TACR1: variants seen among roughly 807,000 people sequenced by gnomAD.
TACR1 encodes substance-P receptor.
Under a neutral mutation model 35.8 loss-of-function variants are expected in TACR1, and 25 were observed. The ratio of observed to expected loss-of-function variants is 0.70; its 90% CI spans 0.51 to 0.98. The LOEUF is 0.98. Ranked by LOEUF, TACR1 falls within the 50% of genes least tolerant of loss-of-function variation. The probability of loss-of-function intolerance (pLI) is 0.00; values close to 1 mark genes in which losing one functional copy is unlikely to be tolerated. For missense variants in TACR1, 478 were observed against 522.9 expected (o/e 0.91, Z 0.84); for synonymous variants, 195 against 206.7 (o/e 0.94, Z 0.48).
At chr2:75,154,302 C>G (rs1396628334) in intron 1 of TACR1, 1 of 152,064 alleles carries the variant, frequency 6.6e-6, no homozygotes. Flanking sequence ...GTCAGAACCT[C>G]CAGACTGAGC....
intron 3 of TACR1, among the ~76,000 whole-genome samples, chr2:75,052,041 A>G (rs886880676): frequency 1.3e-5 from 2 of 152,212 alleles, no homozygotes; most frequent in Non-Finnish European, 2.9e-5. Context: ...GCAGTCAGAG[A>G]GTGCCAGATG....
intron 2 of TACR1, among the ~76,000 whole-genome samples, chr2:75,103,710 A>G (rs1673586266): frequency 6.6e-6 from 1 of 152,172 alleles, no homozygotes; most frequent in Non-Finnish European, 1.5e-5. Context: ...GCCTTCACAC[A>G]GTAACTTCCT....
At chr2:75,078,869 T>C (rs1673027973) in intron 2 of TACR1, among the ~76,000 whole-genome samples, 1 of 152,230 alleles carries the variant, frequency 6.6e-6, no homozygotes, top group Non-Finnish European at 1.5e-5. Flanking sequence ...CTTTCGTTGC[T>C]TTAGACCCCC....
chr2:75,131,765 A>G (rs1368756602), intron 1 of TACR1, among the ~76,000 whole-genome samples: 2 of 152,250 alleles, frequency 1.3e-5, no homozygotes, highest in African/African-American at 4.8e-5. Flanking sequence ...AGTATACTAC[A>G]TAGTATTTTA....
At chr2:75,183,824 G>A (rs964269312) in intron 1 of TACR1, among the ~76,000 whole-genome samples, 4 of 152,174 alleles carry the variant, frequency 2.6e-5, no homozygotes, top group African/African-American at 9.7e-5. Flanking sequence ...AACGTATTGT[G>A]TTATTACTTT....
At chr2:75,077,213 A>C (rs1672998240) in intron 2 of TACR1, among the ~76,000 whole-genome samples, 1 of 152,084 alleles carries the variant, frequency 6.6e-6, no homozygotes, top group Non-Finnish European at 1.5e-5. Flanking sequence ...CAGGTGACCC[A>C]CCCACCTTGG....
At chr2:75,110,878 T>G (rs773787087) in intron 2 of TACR1, among the ~76,000 whole-genome samples, 1 of 152,042 alleles carries the variant, frequency 6.6e-6, no homozygotes, top group Admixed American at 6.6e-5. Context: ...TTTGAAAACT[T>G]TGACAGATAT....
intron 2 of TACR1, among the ~76,000 whole-genome samples, chr2:75,098,808 G>A (rs972047142): frequency 6.6e-6 from 1 of 152,078 alleles, no homozygotes; most frequent in Non-Finnish European, 1.5e-5. Flanking sequence ...GCAATCTCCT[G>A]TCAATACTTG....
intron 1 of TACR1, among the ~76,000 whole-genome samples, chr2:75,121,975 A>C (rs920300078): frequency 1.3e-5 from 2 of 152,164 alleles, no homozygotes; most frequent in Non-Finnish European, 2.9e-5. Context: ...TCTAGACCAG[A>C]ATTAGGACCA....
intron 1 of TACR1, among the ~76,000 whole-genome samples, chr2:75,195,072 C>T (rs898591861): frequency 6.6e-6 from 1 of 152,140 alleles, no homozygotes; most frequent in Non-Finnish European, 1.5e-5. Context: ...GAGTCATCAC[C>T]TCTCTGTGTC....
chr2:75,152,153 A>G (rs1233420456), intron 1 of TACR1, among the ~76,000 whole-genome samples: 6 of 152,172 alleles, frequency 3.9e-5, no homozygotes, highest in Non-Finnish European at 2.9e-5. Flanking sequence ...TGGGTTAATG[A>G]TGAAATGAGT....
intron 1 of TACR1, among the ~76,000 whole-genome samples, chr2:75,147,545 C>T (rs187788192): frequency 4.6e-5 from 7 of 152,252 alleles, no homozygotes; most frequent in South Asian, 2.1e-4. Flanking sequence ...ATCAGCTATT[C>T]GTTTTAATGC....
intron 2 of TACR1, among the ~76,000 whole-genome samples, chr2:75,098,104 C>T (rs1158602392): frequency 1.3e-5 from 2 of 152,030 alleles, no homozygotes; most frequent in Non-Finnish European, 2.9e-5. Context: ...ATCTGAAGAT[C>T]GTAGAAATGC....
At chr2:75,074,068 C>A (rs1184124475) in intron 2 of TACR1, among the ~76,000 whole-genome samples, 1 of 152,066 alleles carries the variant, frequency 6.6e-6, no homozygotes, top group Non-Finnish European at 1.5e-5. Flanking sequence ...GCATACATAC[C>A]AGAATTTATG....
chr2:75,198,895 T>C lies in TACR1; in HGVS notation c.40A>G (p.Asn14Asp), dbSNP rs765949130. ...GGTTCCGAGGTGTTAGTGGAGATGT[T>C]TGGGGAGAGGTCTGAGTCCACCGGG... ...VLPVDSDLSP[N>D]ISTNTSEPNQ... Residue 14 changes from asparagine (N) to aspartate (D), a missense_variant, in exon 1 of 5, where the codon AAC becomes GAC. By Grantham distance (23) the Asn-to-Asp change is conservative. Transcript: ENST00000305249. 6.2e-6 allele frequency: 10 copies of C among 1,613,854 alleles called. No homozygotes were observed. In the Admixed American group the frequency reaches 1.2e-4, roughly 19 times the overall value.
chr2:75,062,677 A>G (rs1672692997), intron 2 of TACR1, among the ~76,000 whole-genome samples: 1 of 152,200 alleles, frequency 6.6e-6, no homozygotes, highest in Non-Finnish European at 1.5e-5. Flanking sequence ...AAGTCACCAG[A>G]ACTAAGTTAA....
At chr2:75,130,350 G>A (rs1674153233) in intron 1 of TACR1, among the ~76,000 whole-genome samples, 1 of 152,190 alleles carries the variant, frequency 6.6e-6, no homozygotes, top group Non-Finnish European at 1.5e-5. Flanking sequence ...CTGTTGTGCT[G>A]CGTCCTGTGC....
intron 1 of TACR1, among the ~76,000 whole-genome samples, chr2:75,177,448 G>C (rs761379105): frequency 5.9e-5 from 9 of 152,090 alleles, no homozygotes; most frequent in African/African-American, 9.7e-5. Context: ...TCTGGACTTT[G>C]TTATCAACAA....
intron 2 of TACR1, among the ~76,000 whole-genome samples, chr2:75,111,294 A>G (rs1216427030): frequency 6.6e-6 from 1 of 152,006 alleles, no homozygotes; most frequent in Non-Finnish European, 1.5e-5. Context: ...CTCCATCCCA[A>G]TTTATTTGGA....
Sources: allele counts gnomAD v4.1 joint callset (sites outside exome capture counted in the v4.1 genomes callset), GRCh38; gene constraint gnomAD v4.1.1; transcripts MANE v1.5; gene names NCBI Gene and HGNC (gene_info 2026-07-23, HGNC 2026-07-21).